Variants in CLUAP1 observed in about 807,000 individuals in gnomAD.
CLUAP1 encodes the protein clusterin-associated protein 1.
CLUAP1 carries 50 observed loss-of-function variants against 55.0 expected under a neutral mutation model. The ratio of observed to expected loss-of-function variants is 0.91; its 90% CI spans 0.72 to 1.15. CLUAP1 has a LOEUF of 1.15. Ranked by LOEUF, CLUAP1 falls within the 50% of genes most tolerant of loss-of-function variation. CLUAP1 has a pLI of 0.00. For synonymous variants in CLUAP1, 195 were observed against 175.4 expected, an observed-to-expected ratio of 1.11 and a Z score of -0.88; for missense variants, 530 against 507.6, an observed-to-expected ratio of 1.04 and a Z score of -0.42.
At chr16:3,500,597 C>A (rs933198640), upstream of CLUAP1, among the ~76,000 whole-genome samples, 7 of 152,170 alleles carry the variant, frequency 4.6e-5, no homozygotes, top group African/African-American at 1.7e-4. Context: ...TCTCGAACTC[C>A]TGACCTCAAG....
intron 6 of CLUAP1, among the ~76,000 whole-genome samples, chr16:3,519,325 G>C (rs919343074): frequency 5.9e-5 from 9 of 152,186 alleles, no homozygotes; most frequent in African/African-American, 1.9e-4. Flanking sequence ...AACTGCTTTC[G>C]TACTGTCTTC....
chr16:3,505,541 C>A (rs528648034), intron 2 of CLUAP1, among the ~76,000 whole-genome samples: 1 of 130,892 alleles, frequency 7.6e-6, no homozygotes, highest in South Asian at 2.4e-4. Context: ...AGCGAGACTC[C>A]GTCTCAAAAA....
At chr16:3,526,602 GTT>G in intron 9 of CLUAP1, 118 bp downstream of exon 9, 3 of 368,652 alleles carry the variant, frequency 8.1e-6, no homozygotes, top group East Asian at 7.2e-5. Flanking sequence ...TTTTTCAGCA[GTT>G]TTTTTTTTAC....
In CLUAP1 at chr16:3,508,181, T is replaced by C. The variant is rs542604120; in HGVS notation, c.220-108T>C. 6.7e-6 allele frequency: 6 copies of C among 901,722 alleles called. No individual in the cohort carries two copies. In the African/African-American group the frequency reaches 1.0e-4, roughly 16 times the overall value. The allele number at this position is 901,722 out of a possible 1,614,324, so 55.9% of individuals were successfully genotyped here. On this transcript the variant is annotated intron_variant, in intron 3 of 11. Transcript: ENST00000576634. ...CTTGAATGCTTTGCTTTTATTAGGT[T>C]ATATCCCAGTTGTCAGCAGAGGCAT...
intron 11 of CLUAP1, chr16:3,534,227 CAG>C (rs1420040237): frequency 6.6e-6 from 1 of 152,470 alleles, no homozygotes; most frequent in Admixed American, 6.6e-5. Context: ...CTTCAGGGGA[CAG>C]GGAGTGACAG....
At chr16:3,518,408 T>G (rs904696828) in intron 6 of CLUAP1, among the ~76,000 whole-genome samples, 2 of 152,192 alleles carry the variant, frequency 1.3e-5, no homozygotes, top group Non-Finnish European at 2.9e-5. Flanking sequence ...TTGATCATTC[T>G]AAAAACAACC....
chr16:3,529,769 AT>A (rs1413631247), intron 9 of CLUAP1, among the ~76,000 whole-genome samples: 3 of 54,986 alleles, frequency 5.5e-5, no homozygotes, highest in African/African-American at 8.4e-5. Flanking sequence ...TATATATTAT[AT>A]TATTATATAT....
chr16:3,535,870 G>C, intron 11 of CLUAP1: 1 of 488,928 alleles, frequency 2.0e-6, no homozygotes, highest in Non-Finnish European at 3.7e-6. Context: ...AGACGCTGCG[G>C]GAAAGCCAGC....
chr16:3,514,993 T>C (rs1258227686), intron 5 of CLUAP1, among the ~76,000 whole-genome samples: 1 of 152,182 alleles, frequency 6.6e-6, no homozygotes, highest in African/African-American at 2.4e-5. Flanking sequence ...GTTGCGTTTG[T>C]TAGTGATAGG....
rs186840899 is a variant in CLUAP1, at chr16:3,525,229, A to G, written c.856-1183A>G. ...CATTTTAAACATTGGGTACCTGGGA[A>G]AGAACAGTCAAGGGCAGTGAAAAGA... On this transcript the variant is annotated intron_variant, in intron 8 of 11. Coordinates refer to ENST00000576634, the MANE Select transcript of CLUAP1 (RefSeq NM_015041.3). 2.3e-3 allele frequency among the ~76,000 whole-genome samples: 354 copies of G among 152,282 alleles called. 1 individual carries two copies. Among genetic ancestry groups the G allele is most frequent in the African/African-American group, 8.2e-3 (340 of 41,544 alleles).
intron 11 of CLUAP1, chr16:3,533,979 G>C (rs2038181191): frequency 6.6e-6 from 1 of 152,246 alleles, no homozygotes; most frequent in South Asian, 2.1e-4. Context: ...ATGCCTGGTG[G>C]TCACTTGTTT....
chr16:3,502,758 C>T (rs974585427), intron 1 of CLUAP1, among the ~76,000 whole-genome samples: 12 of 152,102 alleles, frequency 7.9e-5, no homozygotes, highest in Non-Finnish European at 1.5e-4. Context: ...AGCACCCTGC[C>T]GGGGGACGTA....
At chr16:3,506,179 T>C in intron 2 of CLUAP1, 152 bp from the exon 3 acceptor site, 1 of 626,524 alleles carries the variant, frequency 1.6e-6, no homozygotes, top group South Asian at 1.9e-5. Flanking sequence ...TATTTGGTTT[T>C]GCTTTTGAAG....
At chr16:3,533,057 T>C (rs2038160376) in intron 11 of CLUAP1, 2 of 1,521,624 alleles carry the variant, frequency 1.3e-6, no homozygotes, top group Non-Finnish European at 1.8e-6. Context: ...TGCTCTGCTT[T>C]TTTTGCCTTC....
intron 8 of CLUAP1, among the ~76,000 whole-genome samples, chr16:3,525,070 C>T (rs183738078): frequency 1.3e-3 from 198 of 152,300 alleles, no homozygotes; most frequent in Non-Finnish European, 2.2e-3. Flanking sequence ...GAGTACCTAA[C>T]GCATCCGTGT....
At position 3,510,586 on chromosome 16, in the gene CLUAP1, A is replaced by C. The variant is rs542100290; in HGVS notation, c.400-1797A>C. ...CCGGGTCTTGGGGCAGCCGTGCGGC[A>C]GAGCTTGCAGAGCTCATGGGTGTGT... is the stretch of plus-strand genomic sequence containing the variant. On this transcript the variant is annotated intron_variant, in intron 4 of 11. Transcript: ENST00000576634. 1.8e-4 allele frequency among the ~76,000 whole-genome samples: 28 copies of C among 152,214 alleles called. 1 individual carries two copies. Among genetic ancestry groups the C allele is most frequent in the Non-Finnish European group, 3.7e-4 (25 of 68,034 alleles).
intron 7 of CLUAP1, among the ~76,000 whole-genome samples, chr16:3,522,338 A>G (rs961800867): frequency 6.6e-6 from 1 of 152,000 alleles, no homozygotes; most frequent in African/African-American, 2.4e-5. Flanking sequence ...TAATGTTTGT[A>G]TTTTTAGTAG....
Position 3,523,256 on chromosome 16 carries a change from A to G in CLUAP1, c.812A>G (p.Gln271Arg). ...TTTCAAAATCTGACTTATCTGGAAC[A>G]ACAGCTTGAAGACCATCATAGGATG... Reference protein sequence around the residue: ...EKFQNLTYLEQQLEDHHRMEQ... With the variant: ...EKFQNLTYLERQLEDHHRMEQ... The change falls in exon 8 of 12, where the codon CAA becomes CGA. Residue 271 changes from glutamine (Q) to arginine (R), a missense_variant. Gln to Arg is a conservative substitution (Grantham distance 43). Coordinates refer to ENST00000576634, the MANE Select transcript of CLUAP1 (RefSeq NM_015041.3). The G allele has an allele frequency of 2.5e-6, 4 of 1,613,918 alleles. No homozygotes were observed. The highest frequency in any genetic ancestry group is 3.4e-6 in the Non-Finnish European group (4 of 1,179,980).
rs2151075896 is a variant in CLUAP1 at position 3,538,096 on chromosome 16, A to C, written c.*1825A>C. On this transcript the variant is annotated 3_prime_UTR_variant, in exon 12 of 12. Transcript: ENST00000576634. ...AAAAAGTCAGAAGACTTCTGAAGTT[A>C]CTTATCTTTTAATACATGTATTTAA... 1 of 151,964 alleles carries C rather than the reference A, an allele frequency of 6.6e-6. No homozygotes were observed. Among genetic ancestry groups the C allele is most frequent in the East Asian group, 1.9e-4 (1 of 5,180 alleles). The allele number at this position is 151,964 out of a possible 1,614,324, so 9.4% of individuals were successfully genotyped here.
Sources: allele counts gnomAD v4.1 joint callset (sites outside exome capture counted in the v4.1 genomes callset), GRCh38; gene constraint gnomAD v4.1.1; transcripts MANE v1.5; gene names NCBI Gene and HGNC (gene_info 2026-07-23, HGNC 2026-07-21).